Variants in DIAPH2 observed in about 807,000 individuals in gnomAD.
DIAPH2 encodes the protein diaphanous related formin 2.
Under a neutral mutation model 92.7 loss-of-function variants are expected in DIAPH2, and 35 were observed. The ratio of observed to expected loss-of-function variants is 0.38; its 90% confidence interval spans 0.29 to 0.50. DIAPH2 has a LOEUF of 0.50. Ranked by LOEUF, DIAPH2 falls within the 20% of genes least tolerant of loss-of-function variation. The pLI, the probability that DIAPH2 is intolerant of heterozygous loss-of-function variation, is 0.94. For missense variants in DIAPH2, 701 were observed against 819.5 expected (o/e 0.86, Z 1.77); for synonymous variants, 301 against 280.4 (o/e 1.07, Z -0.73).
chrX:97,104,536 C>T (rs932134842), intron 20 of DIAPH2, among the ~76,000 whole-genome samples: 2 of 109,690 alleles, frequency 1.8e-5, no homozygotes, highest in African/African-American at 3.3e-5. Flanking sequence ...CCACCATGCC[C>T]GGCTAATTTT....
rs749863492 is a variant in DIAPH2 at position 97,307,028 on chromosome X, C to G, written c.2845-41088C>G. 1.8e-4 allele frequency among the ~76,000 whole-genome samples: 20 copies of G among 111,620 alleles called. No homozygotes were observed. In the East Asian group the frequency reaches 4.8e-3, roughly 27 times the overall value. On this transcript the variant is annotated intron_variant, in intron 23 of 26. Transcript: ENST00000324765. ...GCAGTTTAAGATAAGACAGAAATGT[C>G]TATTGAGACCAGACCCCTCTGGGTC...
In DIAPH2 at chrX:97,523,357, T is replaced by G. The variant is rs905335007; in HGVS notation, c.3242-75896T>G. Among the ~76,000 whole-genome samples the G allele has an allele frequency of 6.3e-5, 7 of 111,622 alleles. No individual in the cohort carries two copies. In the Admixed American group the frequency reaches 6.7e-4, roughly 11 times the overall value. The stretch of plus-strand genomic sequence containing the variant: ...ATATATAGAAATGATTTGAAAGAAT[T>G]CTAACTAACCTCAGATATGGAGATA... On this transcript the variant is annotated intron_variant, in intron 26 of 26. Transcript: ENST00000324765.
chrX:97,358,970 T>G (rs189330206), intron 24 of DIAPH2, among the ~76,000 whole-genome samples: 1 of 112,210 alleles, frequency 8.9e-6, no homozygotes, highest in African/African-American at 3.2e-5. Flanking sequence ...CATGCTTATA[T>G]GGATATGTCC....
At chrX:96,700,101 C>G (rs777500447) in intron 1 of DIAPH2, among the ~76,000 whole-genome samples, 1 of 112,017 alleles carries the variant, frequency 8.9e-6, no homozygotes, top group South Asian at 3.8e-4. Context: ...CTCGACCTCC[C>G]TGGCTCAAGC....
At chrX:97,336,065 A>C (rs1374516697) in intron 23 of DIAPH2, among the ~76,000 whole-genome samples, 1 of 109,536 alleles carries the variant, frequency 9.1e-6, no homozygotes, top group Non-Finnish European at 1.9e-5. Flanking sequence ...GCCTTCCCTC[A>C]TACTACCACA....
intron 26 of DIAPH2, among the ~76,000 whole-genome samples, chrX:97,452,282 T>C (rs1159541850): frequency 8.9e-6 from 1 of 111,746 alleles, no homozygotes; most frequent in Non-Finnish European, 1.9e-5. Context: ...TAGAGACAAA[T>C]GTATTTTTAA....
At chrX:97,291,647 C>G (rs1450243440) in intron 23 of DIAPH2, among the ~76,000 whole-genome samples, 1 of 108,972 alleles carries the variant, frequency 9.2e-6, no homozygotes, top group Admixed American at 9.9e-5. Flanking sequence ...ATTCTCCCAC[C>G]TCAGCCTCCC....
intron 26 of DIAPH2, among the ~76,000 whole-genome samples, chrX:97,536,627 C>T (rs1008353733): frequency 9.0e-6 from 1 of 111,524 alleles, no homozygotes; most frequent in Non-Finnish European, 1.9e-5. Flanking sequence ...GATCACTTAC[C>T]TCTTCTTTCT....
intron 19 of DIAPH2, among the ~76,000 whole-genome samples, chrX:97,092,738 C>T (rs1269012537): frequency 9.0e-6 from 1 of 111,622 alleles, no homozygotes; most frequent in African/African-American, 3.3e-5. Context: ...TAGAATTCAG[C>T]TTTGGAAGCA....
rs765060977 is a variant in DIAPH2, at chrX:96,965,085, T to G, written c.1936-8T>G. 1.3e-5 allele frequency: 15 copies of G among 1,184,935 alleles called. No homozygotes were observed. Among genetic ancestry groups the G allele is most frequent in the African/African-American group, 1.8e-5 (1 of 56,934 alleles). ...TTTAGAATCTATTCTTTGTTATTTT[T>G]GTTTCAGATTGAACCCACAGAATTA... is the stretch of plus-strand genomic sequence containing the variant. On this transcript the variant is annotated splice_polypyrimidine_tract_variant and splice_region_variant and intron_variant, in intron 16 of 26. Coordinates refer to ENST00000324765, the MANE Select transcript of DIAPH2 (RefSeq NM_006729.5).
intron 17 of DIAPH2, among the ~76,000 whole-genome samples, chrX:97,049,591 C>A (rs1018785988): frequency 2.7e-5 from 3 of 110,986 alleles, no homozygotes; most frequent in Admixed American, 9.6e-5. Context: ...AAAAATATAT[C>A]TTTATTGTAG....
intron 19 of DIAPH2, among the ~76,000 whole-genome samples, chrX:97,089,733 T>C (rs1316953584): frequency 1.8e-5 from 2 of 110,518 alleles, no homozygotes; most frequent in Non-Finnish European, 3.8e-5. Flanking sequence ...TATTTTATTT[T>C]ATTTTTTTTT....
intron 22 of DIAPH2, among the ~76,000 whole-genome samples, chrX:97,242,140 T>C (rs1364577806): frequency 2.7e-5 from 3 of 111,400 alleles, no homozygotes; most frequent in Non-Finnish European, 5.7e-5. Flanking sequence ...AACAATTGAA[T>C]AAGGCACTTA....
chrX:97,066,045 G>A (rs2066632056), intron 17 of DIAPH2, among the ~76,000 whole-genome samples: 1 of 112,153 alleles, frequency 8.9e-6, no homozygotes, highest in Admixed American at 9.4e-5. Flanking sequence ...AAAACAAAAA[G>A]TTTATAATTA....
intron 4 of DIAPH2, among the ~76,000 whole-genome samples, chrX:96,873,647 T>TACAC (rs3082738): frequency 1.5e-3 from 143 of 95,892 alleles, no homozygotes; most frequent in African/African-American, 2.4e-3. Flanking sequence ...CGTATATATA[T>TACAC]ACACACACAC....
intron 17 of DIAPH2, among the ~76,000 whole-genome samples, chrX:96,991,987 T>C: frequency 9.0e-6 from 1 of 110,616 alleles, no homozygotes; most frequent in Non-Finnish European, 1.9e-5. Context: ...ATCTCTAATA[T>C]CTTTTCAAAG....
At chrX:97,369,075 T>A (rs1187757489) in intron 24 of DIAPH2, among the ~76,000 whole-genome samples, 1 of 109,092 alleles carries the variant, frequency 9.2e-6, no homozygotes, top group African/African-American at 3.3e-5. Context: ...GCCTGGCTGA[T>A]TTTTGTATTT....
intron 26 of DIAPH2, among the ~76,000 whole-genome samples, chrX:97,483,678 G>C (rs1166803244): frequency 9.1e-6 from 1 of 110,076 alleles, no homozygotes; most frequent in African/African-American, 3.3e-5. Flanking sequence ...CTTCATTTAC[G>C]TACCTAGCTA....
chrX:97,465,719 GC>G (rs1194271364), intron 26 of DIAPH2, among the ~76,000 whole-genome samples: 4 of 111,442 alleles, frequency 3.6e-5, no homozygotes, highest in Non-Finnish European at 5.7e-5. Context: ...GTGAAGTTTT[GC>G]TCTTGTTGCC....
Sources: gnomAD v4.1 joint callset for allele counts (sites outside exome capture counted in the v4.1 genomes callset) on GRCh38, gnomAD v4.1.1 for gene constraint, MANE v1.5 for transcripts, NCBI Gene and HGNC (gene_info 2026-07-23, HGNC 2026-07-21) for gene names.